BICC1: variants seen among roughly 807,000 people sequenced by gnomAD.
BICC1 encodes the protein BicC family RNA binding protein 1.
Under a neutral mutation model 111.0 loss-of-function variants are expected in BICC1, and 43 were observed. The ratio of observed to expected loss-of-function variants is 0.39; its 90% CI spans 0.30 to 0.50. The LOEUF (loss-of-function observed/expected upper bound fraction) is 0.50, where lower values mean the gene tolerates loss of function less well. BICC1 is among the 20% of genes least tolerant of loss of function. The pLI, the probability that BICC1 is intolerant of heterozygous loss-of-function variation, is 0.88. For synonymous variants in BICC1, 467 were observed against 434.4 expected (o/e 1.07, Z -0.93); for missense variants, 1,091 against 1,203.2 (o/e 0.91, Z 1.38).
chr10:58,658,839 T>C (rs1838747519), intron 2 of BICC1, among the ~76,000 whole-genome samples: 2 of 152,136 alleles, frequency 1.3e-5, no homozygotes, highest in Non-Finnish European at 2.9e-5. Context: ...TCTTGTACTT[T>C]CTGTGCCCCA....
chr10:58,620,975 C>A, intron 2 of BICC1, 74 bp downstream of exon 2: 1 of 1,281,316 alleles, frequency 7.8e-7, no homozygotes, highest in Non-Finnish European at 1.1e-6. Context: ...ACCCTAGAAG[C>A]CACCGAACGC....
At chr10:58,788,564 C>G in intron 6 of BICC1, 141 bp downstream of exon 6, 1 of 565,986 alleles carries the variant, frequency 1.8e-6, no homozygotes, top group Non-Finnish European at 3.1e-6. Flanking sequence ...ATTTTAGTGT[C>G]TATCTTAGCA....
intron 18 of BICC1, among the ~76,000 whole-genome samples, chr10:58,816,736 T>C (rs1452647966): frequency 6.9e-6 from 1 of 144,020 alleles, no homozygotes; most frequent in Non-Finnish European, 1.5e-5. Flanking sequence ...TCTGCTGAAA[T>C]CTCCAAGGCT....
At position 58,781,804 on chromosome 10, in the gene BICC1, G is replaced by T. The variant is rs888160323; in HGVS notation, c.308-3197G>T. Among the ~76,000 whole-genome samples the T allele has an allele frequency of 2.0e-5, 3 of 152,100 alleles. No individual in the cohort carries two copies. In the South Asian group the frequency reaches 6.2e-4, roughly 32 times the overall value. On this transcript the variant is annotated intron_variant, in intron 3 of 20. Transcript: ENST00000373886. ...GAAATGAATAAATTAAGATCAACCT[G>T]GAAAAAAGGACACATCTTGTATGCA...
At chr10:58,585,881 T>C (rs906281085) in intron 1 of BICC1, among the ~76,000 whole-genome samples, 1 of 152,146 alleles carries the variant, frequency 6.6e-6, no homozygotes, top group African/African-American at 2.4e-5. Context: ...TAGATTGTGG[T>C]TGTATGTTAG....
intron 2 of BICC1, among the ~76,000 whole-genome samples, chr10:58,676,173 G>C (rs112454354): frequency 7.1e-4 from 108 of 152,268 alleles, no homozygotes; most frequent in African/African-American, 2.5e-3. Context: ...CAGGGCCCTG[G>C]GTTTCAAGCA....
chr10:58,732,494 T>G (rs1841348273), intron 3 of BICC1, among the ~76,000 whole-genome samples: 2 of 145,846 alleles, frequency 1.4e-5, no homozygotes, highest in African/African-American at 5.2e-5. Context: ...TAAGTTTGCC[T>G]TCTCAGCCAG....
chr10:58,647,552 G>A (rs1483459772), intron 2 of BICC1, among the ~76,000 whole-genome samples: 1 of 152,080 alleles, frequency 6.6e-6, no homozygotes, highest in Non-Finnish European at 1.5e-5. Context: ...CAAAGAGTGA[G>A]TGATTTTTTT....
intron 3 of BICC1, among the ~76,000 whole-genome samples, chr10:58,718,568 C>T (rs368572265): frequency 2.0e-5 from 3 of 152,066 alleles, no homozygotes; most frequent in African/African-American, 4.8e-5. Context: ...TGCTTATTTA[C>T]AAGTAATTGA....
At chr10:58,602,983 C>T (rs1404778693) in intron 1 of BICC1, among the ~76,000 whole-genome samples, 1 of 152,144 alleles carries the variant, frequency 6.6e-6, no homozygotes, top group Non-Finnish European at 1.5e-5. Flanking sequence ...TTTAGCACTT[C>T]AGGCCTCTTT....
intron 1 of BICC1, among the ~76,000 whole-genome samples, chr10:58,577,832 T>C (rs1276663359): frequency 1.3e-5 from 2 of 152,240 alleles, no homozygotes; most frequent in African/African-American, 2.4e-5. Context: ...TCAATGACTA[T>C]TTGAAATATT....
At chr10:58,641,361 C>A (rs979682470) in intron 2 of BICC1, among the ~76,000 whole-genome samples, 12 of 152,120 alleles carry the variant, frequency 7.9e-5, no homozygotes, top group African/African-American at 1.2e-4. Flanking sequence ...GCCCTTGCTT[C>A]ATGTTGGAAT....
At chr10:58,566,547 A>T (rs961701424) in intron 1 of BICC1, among the ~76,000 whole-genome samples, 2 of 152,114 alleles carry the variant, frequency 1.3e-5, no homozygotes, top group Non-Finnish European at 2.9e-5. Flanking sequence ...ATCAAATGGT[A>T]GTTCTACTTT....
intron 3 of BICC1, among the ~76,000 whole-genome samples, chr10:58,719,497 C>T (rs1284556802): frequency 8.5e-6 from 1 of 117,758 alleles, no homozygotes; most frequent in East Asian, 2.7e-4. Flanking sequence ...TTCATGCTTA[C>T]ATTTGGGCAC....
chr10:58,513,397 A>G, intron 1 of BICC1, 64 bp downstream of exon 1: 1 of 1,404,140 alleles, frequency 7.1e-7, no homozygotes, highest in South Asian at 1.5e-5. Flanking sequence ...GGACATCCCC[A>G]CCGCGCGCTC....
intron 1 of BICC1, among the ~76,000 whole-genome samples, chr10:58,605,554 A>G (rs1452021428): frequency 6.6e-6 from 1 of 152,200 alleles, no homozygotes; most frequent in Non-Finnish European, 1.5e-5. Context: ...AGGACCTCCT[A>G]TGGATACCAA....
At chr10:58,619,775 AT>A (rs1216522063) in intron 1 of BICC1, among the ~76,000 whole-genome samples, 1 of 152,158 alleles carries the variant, frequency 6.6e-6, no homozygotes. Context: ...ATTATGGTAG[AT>A]GCTTGTCAAA....
chr10:58,825,428 G>T (rs557507356), intron 20 of BICC1, among the ~76,000 whole-genome samples: 1 of 152,038 alleles, frequency 6.6e-6, no homozygotes, highest in South Asian at 2.1e-4. Flanking sequence ...TGTCAAGAAC[G>T]CATATGTATG....
At chr10:58,540,709 A>C (rs904349380) in intron 1 of BICC1, among the ~76,000 whole-genome samples, 4 of 152,070 alleles carry the variant, frequency 2.6e-5, no homozygotes, top group South Asian at 2.1e-4. Flanking sequence ...GTCCTTCTCA[A>C]ACTCTTCCAG....
Sources: allele counts gnomAD v4.1 joint callset (sites outside exome capture counted in the v4.1 genomes callset), GRCh38; gene constraint gnomAD v4.1.1; transcripts MANE v1.5; gene names NCBI Gene and HGNC (gene_info 2026-07-23, HGNC 2026-07-21).